The following CCSER1 variants were observed in gnomAD, a reference collection of about 807,000 sequenced individuals.
CCSER1 encodes the protein coiled-coil serine rich protein 1.
Under a neutral mutation model 82.0 loss-of-function variants are expected in CCSER1, and 41 were observed. That is an observed-to-expected ratio of 0.50 (90% confidence interval 0.39 to 0.65). The LOEUF (loss-of-function observed/expected upper bound fraction) is 0.65, where lower values mean the gene tolerates loss of function less well. Among genes scored for constraint, CCSER1 ranks in the 30% least tolerant of loss-of-function variants. The pLI is 0.00. For synonymous variants in CCSER1, 414 were observed against 383.9 expected, an observed-to-expected ratio of 1.08 and a Z score of -0.92; for missense variants, 1,119 against 1,064.2, an observed-to-expected ratio of 1.05 and a Z score of -0.72.
intron 10 of CCSER1, among the ~76,000 whole-genome samples, chr4:91,564,236 A>C (rs1299524845): frequency 6.6e-6 from 1 of 151,804 alleles, no homozygotes; most frequent in Non-Finnish European, 1.5e-5. Context: ...TCTTTTTTTT[A>C]TGAAGACATA....
chr4:90,621,000 G>T (rs1451716195), intron 5 of CCSER1, among the ~76,000 whole-genome samples: 1 of 151,986 alleles, frequency 6.6e-6, no homozygotes, highest in Non-Finnish European at 1.5e-5. Context: ...TTTATTTTTA[G>T]TAGGGAGGGG....
chr4:90,693,490 A>G (rs1037825946), intron 6 of CCSER1: 1 of 151,872 alleles, frequency 6.6e-6, no homozygotes, highest in African/African-American at 2.4e-5. Context: ...GCAGGGTGAG[A>G]CTAGTCGAGT....
intron 7 of CCSER1, among the ~76,000 whole-genome samples, chr4:90,758,246 C>T (rs1323823281): frequency 6.6e-6 from 1 of 152,066 alleles, no homozygotes; most frequent in African/African-American, 2.4e-5. Flanking sequence ...CATCAAGAAC[C>T]AGACCCTATG....
intron 8 of CCSER1, among the ~76,000 whole-genome samples, chr4:90,830,861 A>G (rs1761035099): frequency 6.6e-6 from 1 of 152,142 alleles, no homozygotes; most frequent in Admixed American, 6.6e-5. Context: ...GTGTATTTTA[A>G]TAATGAATGC....
intron 4 of CCSER1, among the ~76,000 whole-genome samples, chr4:90,424,433 C>T (rs934996302): frequency 2.6e-5 from 4 of 152,100 alleles, no homozygotes. Flanking sequence ...TATGTATCAT[C>T]CTCAGTATAC....
At chr4:91,004,081 C>T (rs932389313) in intron 9 of CCSER1, among the ~76,000 whole-genome samples, 17 of 152,268 alleles carry the variant, frequency 1.1e-4, no homozygotes, top group African/African-American at 1.7e-4. Context: ...GGGTGTCTCC[C>T]GGGTCCTACA....
chr4:91,121,025 G>A (rs911937457), intron 10 of CCSER1, among the ~76,000 whole-genome samples: 3 of 151,758 alleles, frequency 2.0e-5, no homozygotes. Context: ...TATAGAAATG[G>A]ATGTTTAATA....
intron 4 of CCSER1, among the ~76,000 whole-genome samples, chr4:90,457,257 G>A (rs781008392): frequency 1.3e-5 from 2 of 152,214 alleles, no homozygotes; most frequent in Non-Finnish European, 2.9e-5. Context: ...CAAATAGCGT[G>A]TAAGAGCCCT....
At chr4:90,892,510 A>G (rs1248899855) in intron 8 of CCSER1, among the ~76,000 whole-genome samples, 2 of 152,018 alleles carry the variant, frequency 1.3e-5, no homozygotes, top group East Asian at 3.8e-4. Flanking sequence ...TTTCTGTGGA[A>G]CATTATACAT....
rs1579205530 is a variant in CCSER1 at position 90,567,402 on chromosome 4, T to C, written c.1725-60623T>C. ...GCCTTCCAGGTTCAAGCGATTCTCC[T>C]GCCTCAGCCTTCCGAGTAGCTGGGT... is the stretch of plus-strand genomic sequence containing the variant. On this transcript the variant is annotated intron_variant, in intron 5 of 10. Transcript: ENST00000509176. 3.3e-5 allele frequency among the ~76,000 whole-genome samples: 5 copies of C among 151,878 alleles called. 1 individual carries two copies. In the South Asian group the frequency reaches 1.0e-3, roughly 32 times the overall value.
At chr4:91,288,107 G>GAT (rs374919599) in intron 10 of CCSER1, among the ~76,000 whole-genome samples, 1,037 of 62,532 alleles carry the variant, frequency 0.017, 11 homozygotes, top group African/African-American at 0.044. Flanking sequence ...ATATATATAG[G>GAT]ATATATATAT....
At position 90,865,966 on chromosome 4, in the gene CCSER1, A is replaced by C. The variant is rs183782002; in HGVS notation, c.2094+50121A>C. Among the ~76,000 whole-genome samples the C allele has an allele frequency of 5.0e-3, 764 of 152,104 alleles. 5 individuals carry two copies. The highest frequency in any genetic ancestry group is 0.017 in the African/African-American group (694 of 41,514). ...GCTGAAAGGTGAAGGGGAAGCAGGC[A>C]TGTCTTACATGGTCAGAGCAGGAGG... On this transcript the variant is annotated intron_variant, in intron 8 of 10. Coordinates refer to ENST00000509176, the MANE Select transcript of CCSER1 (RefSeq NM_001145065.2).
chr4:90,692,716 G>T (rs1286706270), intron 6 of CCSER1, among the ~76,000 whole-genome samples: 7 of 150,508 alleles, frequency 4.7e-5, no homozygotes, highest in African/African-American at 1.7e-4. Flanking sequence ...AATCAAAATA[G>T]GTTCTTCAAT....
chr4:90,401,188 C>T (rs187269309), intron 4 of CCSER1, among the ~76,000 whole-genome samples: 37 of 152,184 alleles, frequency 2.4e-4, no homozygotes, highest in Non-Finnish European at 4.3e-4. Flanking sequence ...CGGTTGAATA[C>T]CACTTTATGA....
intron 10 of CCSER1, among the ~76,000 whole-genome samples, chr4:91,495,024 C>T (rs990299054): frequency 2.0e-5 from 3 of 151,662 alleles, no homozygotes; most frequent in African/African-American, 4.8e-5. Flanking sequence ...TCCTGTGTTT[C>T]AGTTTTCTCT....
chr4:90,459,609 T>C (rs940898268), intron 4 of CCSER1, among the ~76,000 whole-genome samples: 3 of 152,204 alleles, frequency 2.0e-5, no homozygotes, highest in Non-Finnish European at 4.4e-5. Flanking sequence ...GGCTTCTTTC[T>C]GTGTCTTCGA....
chr4:90,285,413 G>A (rs1326356743), intron 1 of CCSER1, among the ~76,000 whole-genome samples: 1 of 151,860 alleles, frequency 6.6e-6, no homozygotes, highest in African/African-American at 2.4e-5. Flanking sequence ...TTGTAAATGG[G>A]ATTACTTTCT....
Position 90,932,950 on chromosome 4 carries a change from GAAA to G in CCSER1, c.2172+9504_2172+9506del, listed in dbSNP as rs1730126684. On this transcript the variant is annotated intron_variant, in intron 9 of 10. Coordinates refer to ENST00000509176, the MANE Select transcript of CCSER1 (RefSeq NM_001145065.2). Reference sequence around the variant, plus strand: ...AGAAAGAAAGAAAGAAAGAAAGAAAGAAAGAAAGAAAGAAAGAAAGAAAGAAAG... The same window carrying G: ...AGAAAGAAAGAAAGAAAGAAAGAAAGGAAAGAAAGAAAGAAAGAAAGAAAG... Among the ~76,000 whole-genome samples the G allele has an allele frequency of 2.8e-4, 9 of 31,942 alleles. 2 individuals carry two copies. The highest frequency in any genetic ancestry group is 1.9e-3 in the African/African-American group (8 of 4,310). 21.0% of individuals were successfully genotyped at this position (31,942 alleles called of 152,430 possible). A position where few individuals can be genotyped will look rare whatever the true frequency, so the allele number is the denominator to read the frequency against.
intron 7 of CCSER1, among the ~76,000 whole-genome samples, chr4:90,813,304 A>G (rs555549752): frequency 6.6e-6 from 1 of 152,344 alleles, no homozygotes; most frequent in African/African-American, 2.4e-5. Context: ...TTAAAGCTCC[A>G]AAATCTCATT....
Sources: gnomAD v4.1 joint callset for allele counts (sites outside exome capture counted in the v4.1 genomes callset) on GRCh38, gnomAD v4.1.1 for gene constraint, MANE v1.5 for transcripts, NCBI Gene and HGNC (gene_info 2026-07-23, HGNC 2026-07-21) for gene names.